The following GLP1R variants were observed in gnomAD, a reference collection of about 807,000 sequenced individuals.
GLP1R encodes glucagon-like peptide 1 receptor.
Under a neutral mutation model 68.4 loss-of-function variants are expected in GLP1R, and 32 were observed. That is an observed-to-expected ratio of 0.47 (90% CI 0.35 to 0.63). GLP1R has a LOEUF of 0.63. Ranked by LOEUF, GLP1R falls within the 20% of genes least tolerant of loss-of-function variation. The probability of loss-of-function intolerance (pLI) is 0.00; values close to 1 mark genes in which losing one functional copy is unlikely to be tolerated. For synonymous variants in GLP1R, 263 were observed against 244.4 expected (o/e 1.08, Z -0.71); for missense variants, 502 against 594.9 (o/e 0.84, Z 1.62).
intron 12 of GLP1R, among the ~76,000 whole-genome samples, chr6:39,081,750 G>A (rs1769017936): frequency 6.6e-6 from 1 of 152,222 alleles, no homozygotes; most frequent in African/African-American, 2.4e-5. Context: ...CAAGGATGCA[G>A]GCTTTGGCAT....
chr6:39,056,628 C>T, intron 2 of GLP1R, 135 bp downstream of exon 2: 1 of 569,628 alleles, frequency 1.8e-6, no homozygotes, highest in East Asian at 3.0e-5. Context: ...GCCTTCATCT[C>T]ATTGTCCAAG....
intron 1 of GLP1R, among the ~76,000 whole-genome samples, chr6:39,053,420 T>C (rs74510190): frequency 0.01 from 1,566 of 152,362 alleles, 25 homozygotes; most frequent in African/African-American, 0.035. Flanking sequence ...TGATTGGTCA[T>C]TGGACATGAA....
chr6:39,054,447 G>T lies in GLP1R; in HGVS notation c.79-1950G>T, dbSNP rs189242490. On this transcript the variant is annotated intron_variant, in intron 1 of 12. Transcript: ENST00000373256. Reference sequence around the variant, plus strand: ...TGTCAGGAATCCCTCACCTAAGGGGGAGCCACAGCCCCATCCTCAGGAAGC... The same window carrying T: ...TGTCAGGAATCCCTCACCTAAGGGGTAGCCACAGCCCCATCCTCAGGAAGC... 3.7e-3 allele frequency among the ~76,000 whole-genome samples: 563 copies of T among 152,240 alleles called. 4 individuals carry two copies. The highest frequency in any genetic ancestry group is 0.013 in the African/African-American group (535 of 41,548).
chr6:39,073,934 C>T (rs10305479), intron 7 of GLP1R, among the ~76,000 whole-genome samples, 165 bp downstream of exon 7: 11,035 of 152,194 alleles, frequency 0.073, 541 homozygotes, highest in East Asian at 0.21. Flanking sequence ...GTTAAGATGC[C>T]GTAGGGGGTT....
intron 5 of GLP1R, among the ~76,000 whole-genome samples, chr6:39,072,628 G>T (rs570137731): frequency 2.6e-5 from 4 of 152,346 alleles, no homozygotes; most frequent in Non-Finnish European, 4.4e-5. Flanking sequence ...GATAGAATGT[G>T]GATGGGAGGA....
chr6:39,052,402 A>T (rs1386203179), intron 1 of GLP1R, among the ~76,000 whole-genome samples: 1 of 152,086 alleles, frequency 6.6e-6, no homozygotes, highest in Non-Finnish European at 1.5e-5. Context: ...GGGAACCTGA[A>T]GGGCTGGACT....
rs149994331 is a variant in GLP1R, at chr6:39,069,356, G to A, written c.509+3053G>A. On this transcript the variant is annotated intron_variant, in intron 5 of 12. Transcript: ENST00000373256. Reference sequence around the variant, plus strand: ...TCTGTGAAGATTGAAATTTTTGGCCGGGCGCAGTGGCTCACGCCTGTAATC... The same window carrying A: ...TCTGTGAAGATTGAAATTTTTGGCCAGGCGCAGTGGCTCACGCCTGTAATC... Among the ~76,000 whole-genome samples the A allele has an allele frequency of 3.2e-4, 48 of 152,230 alleles. No homozygotes were observed. In the South Asian group the frequency reaches 3.3e-3, roughly 11 times the overall value.
chr6:39,081,454 T>A (rs1001915091), intron 12 of GLP1R, among the ~76,000 whole-genome samples: 1 of 152,118 alleles, frequency 6.6e-6, no homozygotes, highest in Middle Eastern at 3.2e-3. Context: ...CCCCACACAC[T>A]CTCCTGAAAA....
At position 39,073,181 on chromosome 6, in the gene GLP1R, A is replaced by G. The variant is rs578261689; in HGVS notation, c.663+166A>G. On this transcript the variant is annotated intron_variant, in intron 6 of 12. Coordinates refer to ENST00000373256, the MANE Select transcript of GLP1R (RefSeq NM_002062.5). ...GAGGCAGTTCGCCTTGGGACCCTCC[A>G]GTCTGCTGAGAGAGGCAGTCTACCT... Among the ~76,000 whole-genome samples, 15 of 152,314 alleles carry G rather than the reference A, an allele frequency of 9.8e-5. No homozygotes were observed. In the East Asian group the frequency reaches 2.1e-3, roughly 22 times the overall value.
intron 1 of GLP1R, among the ~76,000 whole-genome samples, chr6:39,050,385 G>C (rs573273749): frequency 6.6e-5 from 10 of 152,154 alleles, no homozygotes; most frequent in Non-Finnish European, 8.8e-5. Flanking sequence ...TTTGAATGAA[G>C]GGAAGAAAGC....
intron 6 of GLP1R, 26 bp from the exon 7 acceptor site, chr6:39,073,584 C>G: frequency 6.2e-7 from 1 of 1,609,684 alleles, no homozygotes; most frequent in Non-Finnish European, 8.5e-7. Context: ...GCTGTTGTCC[C>G]CATGACACCC....
chr6:39,054,859 G>A (rs1366790889), intron 1 of GLP1R, among the ~76,000 whole-genome samples: 1 of 152,236 alleles, frequency 6.6e-6, no homozygotes, highest in Non-Finnish European at 1.5e-5. Context: ...ACGGGGCGGT[G>A]GGGGTTGATC....
intron 6 of GLP1R, among the ~76,000 whole-genome samples, 168 bp from the exon 7 acceptor site, chr6:39,073,442 A>G (rs965140711): frequency 3.3e-5 from 5 of 152,322 alleles, no homozygotes; most frequent in Admixed American, 6.5e-5. Flanking sequence ...TGAGGATTCA[A>G]TGAGCTAAAG....
intron 12 of GLP1R, among the ~76,000 whole-genome samples, chr6:39,081,125 A>AC (rs1173849302): frequency 2.8e-5 from 4 of 142,978 alleles, no homozygotes; most frequent in Admixed American, 2.1e-4. Context: ...TTTAATTATG[A>AC]CCCCCACATC....
At chr6:39,080,654 C>A (rs773080603) in intron 11 of GLP1R, 44 bp from the exon 12 acceptor site, 4 of 1,443,204 alleles carry the variant, frequency 2.8e-6, no homozygotes, top group South Asian at 2.4e-5. Context: ...CTGCAGGGCA[C>A]CTCCCTCCTG....
At position 39,052,943 on chromosome 6, in the gene GLP1R, G is replaced by A. The variant is rs111445649; in HGVS notation, c.79-3454G>A. ...CCTGTAGACCACACCACTCCCTCCT[G>A]GTGTCCTCTTTCCTGTCTCCTGCTT... On this transcript the variant is annotated intron_variant, in intron 1 of 12. Coordinates refer to ENST00000373256, the MANE Select transcript of GLP1R (RefSeq NM_002062.5). Among the ~76,000 whole-genome samples the A allele has an allele frequency of 9.7e-3, 1,469 of 152,136 alleles. 16 individuals carry two copies. Among genetic ancestry groups the A allele is most frequent in the Non-Finnish European group, 0.015 (998 of 67,988 alleles).
rs10305449 is a variant in GLP1R, at chr6:39,058,988, T to C, written c.283+1409T>C. Among the ~76,000 whole-genome samples the C allele has an allele frequency of 2.0e-5, 3 of 152,216 alleles. No individual in the cohort carries two copies. In the East Asian group the frequency reaches 5.8e-4, roughly 29 times the overall value. On this transcript the variant is annotated intron_variant, in intron 3 of 12. Coordinates refer to ENST00000373256, the MANE Select transcript of GLP1R (RefSeq NM_002062.5). ...AGGTGTCTTCCTGGAGGAGGTGGCC[T>C]GGTGGGGCCCAATGTAAGCTTCACC...
At chr6:39,051,211 A>G (rs924874817) in intron 1 of GLP1R, among the ~76,000 whole-genome samples, 3 of 152,194 alleles carry the variant, frequency 2.0e-5, no homozygotes. Context: ...GGAGTTGGAC[A>G]CTTGGTTATC....
chr6:39,087,239 A>C lies in GLP1R; in HGVS notation c.*1166A>C, dbSNP rs1769174264. ...AATTCTGACTTCTCCCATCTAGTGG[A>C]AATGAGCGAAATCATGGTTGTAGTG... On this transcript the variant is annotated 3_prime_UTR_variant, in exon 13 of 13. Transcript: ENST00000373256. The C allele has an allele frequency of 1.3e-5, 2 of 152,234 alleles. No individual in the cohort carries two copies. The highest frequency in any genetic ancestry group is 4.1e-4 in the South Asian group (2 of 4,830). 9.4% of individuals were successfully genotyped at this position (152,234 alleles called of 1,614,324 possible).
Sources: allele counts gnomAD v4.1 joint callset (sites outside exome capture counted in the v4.1 genomes callset), GRCh38; gene constraint gnomAD v4.1.1; transcripts MANE v1.5; gene names NCBI Gene and HGNC (gene_info 2026-07-23, HGNC 2026-07-21).